The following HSPA4L variants were observed in gnomAD, a reference collection of about 807,000 sequenced individuals.
HSPA4L encodes heat shock protein family A (Hsp70) member 4 like.
In HSPA4L, 48 loss-of-function variants were observed where a neutral mutation model predicts 100.3. The observed-to-expected ratio is 0.48, with a 90% CI of 0.38 to 0.61. The LOEUF (loss-of-function observed/expected upper bound fraction) is 0.61. Among genes scored for constraint, HSPA4L ranks in the 20% least tolerant of loss-of-function variants. The pLI, the probability that HSPA4L is intolerant of heterozygous loss-of-function variation, is 0.00. For synonymous variants in HSPA4L, 319 were observed against 328.2 expected, an observed-to-expected ratio of 0.97 and a Z score of 0.30; for missense variants, 886 against 988.6, an observed-to-expected ratio of 0.90 and a Z score of 1.39.
rs1733257678 is a variant in HSPA4L at position 127,803,649 on chromosome 4, T to C, written c.684T>C (p.Asp228=). 1.9e-6 allele frequency: 3 copies of C among 1,613,308 alleles called. No homozygotes were observed. Among genetic ancestry groups the C allele is most frequent in the Admixed American group, 1.7e-5 (1 of 59,944 alleles). The stretch of plus-strand genomic sequence containing the variant: ...AACAGGTCTTGGCTACTACCTTTGA[T>C]CCATATTTGGGTGGCAGGAACTTTG... ...GKLKVLATTF[D]PYLGGRNFDE... Residue 228 remains aspartate, a synonymous_variant, in exon 7 of 19, where the codon GAT becomes GAC. Transcript: ENST00000296464.
rs937029031 is a variant in HSPA4L, at chr4:127,835,875, G to A, written c.*3001G>A. ...AAGAAGGGAGGATCACTTGAACCCAGGAGTTCAAGACCAGCCTGAGAAACA... is the reference window on the plus strand; with the variant it reads ...AAGAAGGGAGGATCACTTGAACCCAAGAGTTCAAGACCAGCCTGAGAAACA... On this transcript the variant is annotated 3_prime_UTR_variant, in exon 19 of 19. Transcript: ENST00000296464. 2.0e-5 allele frequency: 3 copies of A among 152,570 alleles called. No homozygotes were observed. Among genetic ancestry groups the A allele is most frequent in the African/African-American group, 4.8e-5 (2 of 41,442 alleles). The allele number at this position is 152,570 out of a possible 1,614,324, so 9.5% of individuals were successfully genotyped here.
intron 1 of HSPA4L, 103 bp downstream of exon 1, chr4:127,782,760 G>A (rs1732600136): frequency 1.2e-6 from 1 of 861,758 alleles, no homozygotes. Context: ...TTCCCCTAAC[G>A]TGCGCCGAAC....
intron 4 of HSPA4L, among the ~76,000 whole-genome samples, chr4:127,800,600 C>A (rs540581152): frequency 6.6e-6 from 1 of 152,256 alleles, no homozygotes; most frequent in Admixed American, 6.5e-5. Context: ...TAGTTCCCCT[C>A]CTTTGAAATA....
chr4:127,827,878 C>A (rs550843731), intron 17 of HSPA4L, among the ~76,000 whole-genome samples: 1 of 151,944 alleles, frequency 6.6e-6, no homozygotes, highest in African/African-American at 2.4e-5. Flanking sequence ...ATCTCCTGTA[C>A]GCTTTATTCT....
chr4:127,784,267 A>G (rs1732650101), intron 1 of HSPA4L, among the ~76,000 whole-genome samples: 1 of 152,246 alleles, frequency 6.6e-6, no homozygotes, highest in Non-Finnish European at 1.5e-5. Flanking sequence ...CCTTAAAGCC[A>G]TATCCTAAAA....
chr4:127,838,926 T>C lies in HSPA4L; in HGVS notation c.*6052T>C, dbSNP rs561122977. On this transcript the variant is annotated 3_prime_UTR_variant, in exon 19 of 19. Coordinates refer to ENST00000296464, the MANE Select transcript of HSPA4L (RefSeq NM_014278.4). ...TAAGGGTTTTTTGGCTATAAATTCG[T>C]ACTTGATAAGCTATGTTATTTCTTT... The C allele has an allele frequency of 2.0e-4, 31 of 152,250 alleles. No homozygotes were observed. In the South Asian group the frequency reaches 5.8e-3, roughly 28 times the overall value. 9.4% of individuals were successfully genotyped at this position (152,250 alleles called of 1,614,324 possible). A position where few individuals can be genotyped will look rare whatever the true frequency, so the allele number is the denominator to read the frequency against.
chr4:127,821,394 A>G (rs1733810075), intron 14 of HSPA4L, among the ~76,000 whole-genome samples: 1 of 152,124 alleles, frequency 6.6e-6, no homozygotes, highest in Non-Finnish European at 1.5e-5. Context: ...TCACTTCACA[A>G]ATGTGAATGC....
At chr4:127,810,036 T>C (rs1326709713) in intron 11 of HSPA4L, among the ~76,000 whole-genome samples, 1 of 152,104 alleles carries the variant, frequency 6.6e-6, no homozygotes, top group African/African-American at 2.4e-5. Flanking sequence ...TACTAACCAG[T>C]CTTAACCATC....
chr4:127,806,271 A>G (rs1733355037), intron 10 of HSPA4L, among the ~76,000 whole-genome samples: 1 of 151,984 alleles, frequency 6.6e-6, no homozygotes, highest in Non-Finnish European at 1.5e-5. Flanking sequence ...TTCAATAGTT[A>G]TATGTGCCAT....
rs537916978 is a variant in HSPA4L at position 127,797,136 on chromosome 4, G to A, written c.306+1228G>A. Among the ~76,000 whole-genome samples, 8 of 149,620 alleles carry A rather than the reference G, an allele frequency of 5.3e-5. No individual in the cohort carries two copies. The South Asian group carries it at 8.3e-4, about 16-fold the overall frequency. Reference sequence around the variant, plus strand: ...AAGACACCATGAGAAGTTGAAGACAGGGAACAAATTGTAAATCCATATTTT... The same window carrying A: ...AAGACACCATGAGAAGTTGAAGACAAGGAACAAATTGTAAATCCATATTTT... On this transcript the variant is annotated intron_variant, in intron 3 of 18. Transcript: ENST00000296464.
chr4:127,798,451 C>A (rs1046238707), intron 3 of HSPA4L, 136 bp from the exon 4 acceptor site: 1 of 761,246 alleles, frequency 1.3e-6, no homozygotes, highest in African/African-American at 1.8e-5. Context: ...AAATGACAAT[C>A]TTTCTGGAAT....
chr4:127,823,428 C>A, intron 15 of HSPA4L, 89 bp from the exon 16 acceptor site: 1 of 835,324 alleles, frequency 1.2e-6, no homozygotes, highest in Non-Finnish European at 1.9e-6. Context: ...GGATTACAGG[C>A]ATGAGGCACT....
chr4:127,809,359 C>G, intron 11 of HSPA4L: 1 of 1,164,172 alleles, frequency 8.6e-7, no homozygotes, highest in South Asian at 1.2e-5. Flanking sequence ...TATATTGCAG[C>G]CCAGCAGAAG....
At chr4:127,800,395 G>A (rs1733142603) in intron 4 of HSPA4L, among the ~76,000 whole-genome samples, 1 of 152,154 alleles carries the variant, frequency 6.6e-6, no homozygotes, top group African/African-American at 2.4e-5. Flanking sequence ...TTGAGCCCAG[G>A]AGTTTAAAGC....
upstream of HSPA4L, chr4:127,782,195 G>T (rs911996454): frequency 8.9e-5 from 36 of 406,550 alleles, no homozygotes; most frequent in Non-Finnish European, 1.3e-4. Flanking sequence ...CCCGAGTGCT[G>T]ACGGAAGCGG....
chr4:127,811,955 T>C (rs1733542752), intron 12 of HSPA4L, among the ~76,000 whole-genome samples: 1 of 152,210 alleles, frequency 6.6e-6, no homozygotes. Context: ...ATGGCTAGAT[T>C]TTTAGCTTAC....
At chr4:127,788,659 TA>T (rs1358596406) in intron 1 of HSPA4L, among the ~76,000 whole-genome samples, 1 of 152,184 alleles carries the variant, frequency 6.6e-6, no homozygotes, top group African/African-American at 2.4e-5. Context: ...TCTGAAGGGA[TA>T]ACTGACAGAA....
At chr4:127,786,277 C>T (rs1268069039) in intron 1 of HSPA4L, among the ~76,000 whole-genome samples, 2 of 152,116 alleles carry the variant, frequency 1.3e-5, no homozygotes, top group Non-Finnish European at 2.9e-5. Context: ...GACCCTAGAA[C>T]CCAAATGTCT....
intron 1 of HSPA4L, among the ~76,000 whole-genome samples, chr4:127,788,758 A>G (rs893545922): frequency 2.0e-5 from 3 of 152,216 alleles, no homozygotes; most frequent in African/African-American, 7.2e-5. Context: ...AATACTCCTA[A>G]TATCCGACAG....
Sources: gnomAD v4.1 joint callset for allele counts (sites outside exome capture counted in the v4.1 genomes callset) on GRCh38, gnomAD v4.1.1 for gene constraint, MANE v1.5 for transcripts, NCBI Gene and HGNC (gene_info 2026-07-23, HGNC 2026-07-21) for gene names.